The following MEIS2 variants were observed in gnomAD, a reference collection of about 807,000 sequenced individuals.
MEIS2 encodes homeobox protein Meis2.
In MEIS2, 9 loss-of-function variants were observed where a neutral mutation model predicts 58.6. The ratio of observed to expected loss-of-function variants is 0.15; its 90% CI spans 0.09 to 0.27. MEIS2 has a LOEUF of 0.27. MEIS2 is among the 10% of genes least tolerant of loss of function. The pLI, the probability that MEIS2 is intolerant of heterozygous loss-of-function variation, is 1.00. For missense variants in MEIS2, 427 were observed against 635.0 expected, an observed-to-expected ratio of 0.67 and a Z score of 3.52; for synonymous variants, 221 against 228.4, an observed-to-expected ratio of 0.97 and a Z score of 0.29.
chr15:37,048,177 T>TGG (rs1555459434), intron 7 of MEIS2, among the ~76,000 whole-genome samples: 8 of 152,160 alleles, frequency 5.3e-5, no homozygotes, highest in Non-Finnish European at 1.2e-4. Context: ...CATTTTAAAC[T>TGG]AAAACTAGAA....
chr15:36,944,340 A>T (rs1232799715), intron 9 of MEIS2, among the ~76,000 whole-genome samples: 1 of 152,062 alleles, frequency 6.6e-6, no homozygotes, highest in Non-Finnish European at 1.5e-5. Context: ...GGTCTCCAAG[A>T]AATGATTATA....
At chr15:36,994,701 T>C (rs563523424) in intron 8 of MEIS2, among the ~76,000 whole-genome samples, 1 of 152,356 alleles carries the variant, frequency 6.6e-6, no homozygotes, top group African/African-American at 2.4e-5. Flanking sequence ...ATTTATTTCA[T>C]TAAATGGCTT....
chr15:36,994,475 C>T (rs2060405959), intron 8 of MEIS2, among the ~76,000 whole-genome samples: 1 of 152,132 alleles, frequency 6.6e-6, no homozygotes, highest in South Asian at 2.1e-4. Flanking sequence ...CTAATCACTC[C>T]TGAATCCGTC....
chr15:36,911,648 C>T (rs1426961818), intron 9 of MEIS2, among the ~76,000 whole-genome samples: 1 of 152,166 alleles, frequency 6.6e-6, no homozygotes, highest in Non-Finnish European at 1.5e-5. Context: ...CCTGCCTGCC[C>T]TCTGAACCTC....
chr15:36,984,627 T>C (rs1293793312), intron 8 of MEIS2, among the ~76,000 whole-genome samples: 1 of 152,202 alleles, frequency 6.6e-6, no homozygotes, highest in Non-Finnish European at 1.5e-5. Context: ...AAGTGTTCCC[T>C]TCTCTTCCAT....
At chr15:37,048,762 G>C (rs919989270) in intron 7 of MEIS2, among the ~76,000 whole-genome samples, 9 of 152,054 alleles carry the variant, frequency 5.9e-5, no homozygotes, top group Non-Finnish European at 1.2e-4. Flanking sequence ...ACTAGTTAGA[G>C]ATATGTATCA....
intron 7 of MEIS2, among the ~76,000 whole-genome samples, chr15:37,082,918 C>A (rs149795868): frequency 6.6e-6 from 1 of 152,002 alleles, no homozygotes. Flanking sequence ...ACTTAAATAT[C>A]GTGGCCATAA....
At chr15:37,058,002 C>T (rs181421029) in intron 7 of MEIS2, among the ~76,000 whole-genome samples, 50 of 152,208 alleles carry the variant, frequency 3.3e-4, no homozygotes, top group African/African-American at 1.2e-3. Flanking sequence ...GTCACATGTA[C>T]CGGGGATCAA....
chr15:37,066,987 C>T (rs544202435), intron 7 of MEIS2, among the ~76,000 whole-genome samples: 3 of 151,874 alleles, frequency 2.0e-5, no homozygotes, highest in Admixed American at 1.3e-4. Context: ...TGCTTTGTTG[C>T]CCAGCCTAGT....
In MEIS2 at chr15:37,038,608, C is replaced by A. The variant is rs1178320109; in HGVS notation, c.755-1649G>T. 2.6e-5 allele frequency among the ~76,000 whole-genome samples: 4 copies of A among 152,224 alleles called. No homozygotes were observed. In the East Asian group the frequency reaches 7.7e-4, roughly 29 times the overall value. On this transcript the variant is annotated intron_variant, in intron 7 of 11. Transcript: ENST00000561208. ...GGCAAAGCAGCTCCCTTCCATCTGC[C>A]CAAACACTAGAGCATGACCCCGAAG...
chr15:37,092,767 T>C (rs566092610), intron 6 of MEIS2, among the ~76,000 whole-genome samples: 19 of 124,214 alleles, frequency 1.5e-4, no homozygotes, highest in Admixed American at 3.1e-4. Context: ...CTCACTAGAT[T>C]GGTTCCAAAA....
At chr15:37,005,559 AT>A (rs1446423014) in intron 8 of MEIS2, among the ~76,000 whole-genome samples, 3 of 152,040 alleles carry the variant, frequency 2.0e-5, no homozygotes, top group Admixed American at 2.0e-4. Flanking sequence ...AGTCCTACCC[AT>A]CATGATGGAA....
At chr15:36,932,921 T>C (rs1021377167) in intron 9 of MEIS2, among the ~76,000 whole-genome samples, 6 of 152,202 alleles carry the variant, frequency 3.9e-5, no homozygotes, top group Admixed American at 1.3e-4. Flanking sequence ...TGGAAAAATT[T>C]GCTCTTCCAA....
intron 8 of MEIS2, among the ~76,000 whole-genome samples, chr15:37,025,019 A>G (rs1214788336): frequency 6.6e-6 from 1 of 152,208 alleles, no homozygotes; most frequent in Non-Finnish European, 1.5e-5. Context: ...GCTGCCACAT[A>G]TGAATGGTCT....
intron 7 of MEIS2, among the ~76,000 whole-genome samples, chr15:37,058,283 C>T (rs1205265481): frequency 1.3e-5 from 2 of 152,172 alleles, no homozygotes; most frequent in African/African-American, 2.4e-5. Flanking sequence ...CTGCAACACA[C>T]ATTTATAGGA....
chr15:37,089,569 T>C (rs1893284173), intron 6 of MEIS2, among the ~76,000 whole-genome samples: 1 of 152,212 alleles, frequency 6.6e-6, no homozygotes. Flanking sequence ...ATAAGTTTTC[T>C]TTTCTTAGTG....
At chr15:36,990,234 C>T (rs1297322280) in intron 8 of MEIS2, among the ~76,000 whole-genome samples, 7 of 151,946 alleles carry the variant, frequency 4.6e-5, no homozygotes, top group Non-Finnish European at 8.8e-5. Context: ...CATGAGCCAC[C>T]GCGCCCGGCC....
chr15:36,945,466 C>T (rs1198022448), intron 9 of MEIS2, among the ~76,000 whole-genome samples: 1 of 152,014 alleles, frequency 6.6e-6, no homozygotes, highest in East Asian at 1.9e-4. Context: ...CATTTCACAC[C>T]TTAGAAAACC....
At chr15:36,910,749 G>A (rs2056971180) in intron 9 of MEIS2, among the ~76,000 whole-genome samples, 2 of 152,046 alleles carry the variant, frequency 1.3e-5, no homozygotes, top group Admixed American at 1.3e-4. Flanking sequence ...AGGTTCTTTA[G>A]AACTTTTCTA....
Sources: allele counts gnomAD v4.1 joint callset (sites outside exome capture counted in the v4.1 genomes callset), GRCh38; gene constraint gnomAD v4.1.1; transcripts MANE v1.5; gene names NCBI Gene and HGNC (gene_info 2026-07-23, HGNC 2026-07-21).